TMEM150C: variants seen among roughly 807,000 people sequenced by gnomAD.
TMEM150C encodes tentonin 3.
TMEM150C carries 10 observed loss-of-function variants against 29.9 expected under a neutral mutation model. The observed-to-expected ratio is 0.33, with a 90% CI of 0.21 to 0.57. The LOEUF is 0.57. Ranked by LOEUF, TMEM150C falls within the 20% of genes least tolerant of loss-of-function variation. TMEM150C has a pLI of 0.88. For missense variants in TMEM150C, 251 were observed against 303.6 expected, an observed-to-expected ratio of 0.83 and a Z score of 1.29; for synonymous variants, 101 against 112.5, an observed-to-expected ratio of 0.90 and a Z score of 0.64.
At chr4:82,499,971 G>C (rs907326829) in intron 5 of TMEM150C, among the ~76,000 whole-genome samples, 1 of 152,126 alleles carries the variant, frequency 6.6e-6, no homozygotes, top group Non-Finnish European at 1.5e-5. Flanking sequence ...AGGGAGAGTG[G>C]CTGCTATTCG....
intron 1 of TMEM150C, among the ~76,000 whole-genome samples, chr4:82,510,008 G>A (rs1198617384): frequency 6.6e-6 from 1 of 152,010 alleles, no homozygotes; most frequent in African/African-American, 2.4e-5. Flanking sequence ...AGCTACAAAT[G>A]GAAAAGTAAA....
intron 1 of TMEM150C, among the ~76,000 whole-genome samples, chr4:82,539,888 A>C (rs1467543869): frequency 6.6e-6 from 1 of 152,184 alleles, no homozygotes; most frequent in Non-Finnish European, 1.5e-5. Context: ...AACTTGAATA[A>C]ATGTTCCTGG....
At chr4:82,537,829 A>G (rs1725060722) in intron 1 of TMEM150C, among the ~76,000 whole-genome samples, 1 of 152,198 alleles carries the variant, frequency 6.6e-6, no homozygotes, top group Non-Finnish European at 1.5e-5. Flanking sequence ...AGAAGCTGGA[A>G]GAGGTGAGGA....
At position 82,485,320 on chromosome 4, in the gene TMEM150C, G is replaced by A. The variant is rs1425781161; in HGVS notation, c.*191C>T. Reference sequence around the variant, plus strand: ...TTTTCAGTGTAACAGCGTGTATTTCGACACATAAGGGCTTGTGCTTTTTCA... The same window carrying A: ...TTTTCAGTGTAACAGCGTGTATTTCAACACATAAGGGCTTGTGCTTTTTCA... On this transcript the variant is annotated 3_prime_UTR_variant, in exon 8 of 8. Coordinates refer to ENST00000449862, the MANE Select transcript of TMEM150C (RefSeq NM_001080506.3). 1.5e-5 allele frequency: 9 copies of A among 583,614 alleles called. No individual in the cohort carries two copies. The highest frequency in any genetic ancestry group is 2.9e-5 in the East Asian group (1 of 34,836). 36.2% of individuals were successfully genotyped at this position (583,614 alleles called of 1,614,324 possible). A position where few individuals can be genotyped will look rare whatever the true frequency, so the allele number is the denominator to read the frequency against.
intron 1 of TMEM150C, among the ~76,000 whole-genome samples, chr4:82,510,379 T>G (rs1341139911): frequency 1.3e-5 from 2 of 152,166 alleles, no homozygotes; most frequent in African/African-American, 2.4e-5. Context: ...GGAAGGGACT[T>G]GCTTATTATA....
At chr4:82,527,627 C>T (rs1165943112) in intron 1 of TMEM150C, among the ~76,000 whole-genome samples, 1 of 152,200 alleles carries the variant, frequency 6.6e-6, no homozygotes, top group Non-Finnish European at 1.5e-5. Context: ...CTTCCCTGTG[C>T]TCTCCCTCCA....
At chr4:82,503,227 T>C (rs1723793525) in intron 2 of TMEM150C, 115 bp from the exon 3 acceptor site, 1 of 749,122 alleles carries the variant, frequency 1.3e-6, no homozygotes, top group Non-Finnish European at 2.2e-6. Flanking sequence ...AACTGAGAAA[T>C]GCTCTTTTAC....
intron 1 of TMEM150C, among the ~76,000 whole-genome samples, chr4:82,554,607 C>T (rs369494444): frequency 2.0e-5 from 3 of 152,276 alleles, no homozygotes; most frequent in African/African-American, 7.2e-5. Flanking sequence ...ACGAAATCTA[C>T]TTTGTTAATA....
intron 1 of TMEM150C, among the ~76,000 whole-genome samples, chr4:82,515,565 C>T (rs1332384790): frequency 1.3e-5 from 2 of 151,822 alleles, no homozygotes; most frequent in African/African-American, 4.8e-5. Flanking sequence ...GGTGAAACCC[C>T]GTCTCTACTA....
intron 6 of TMEM150C, 123 bp downstream of exon 6, chr4:82,495,945 T>C (rs1723542913): frequency 1.5e-6 from 2 of 1,306,648 alleles, no homozygotes; most frequent in Middle Eastern, 1.9e-4. Context: ...TCCTAGTTTT[T>C]AAAAAAAGGT....
Position 82,502,721 on chromosome 4 carries a change from T to C in TMEM150C, c.235+6A>G. ...GCACATAAAGCGTTCTTTACCCTCT[T>C]CTTACCTAGGAAGGCTGCCATGTTC... On this transcript the variant is annotated splice_donor_region_variant and intron_variant, in intron 5 of 7. Transcript: ENST00000449862. 6.2e-7 allele frequency: 1 copy of C among 1,607,092 alleles called. No individual in the cohort carries two copies. Among genetic ancestry groups the C allele is most frequent in the Non-Finnish European group, 8.5e-7 (1 of 1,176,432 alleles).
chr4:82,504,598 A>G lies in TMEM150C; in HGVS notation c.60T>C (p.Thr20=), dbSNP rs760024149. Residue 20 remains threonine, a synonymous_variant, in exon 2 of 8, where the codon ACT becomes ACC. Coordinates refer to ENST00000449862, the MANE Select transcript of TMEM150C (RefSeq NM_001080506.3). The part of the protein sequence containing the change: ...MFLPLVFTLF[T]SAGLWIVYFI... ...CTCACACTATCCACAATCCAGCTGA[A>G]GTAAACAAAGTAAATACAAGAGGTA... 1.2e-6 allele frequency: 2 copies of G among 1,613,462 alleles called. No individual in the cohort carries two copies. Among genetic ancestry groups the G allele is most frequent in the East Asian group, 4.5e-5 (2 of 44,888 alleles).
intron 1 of TMEM150C, among the ~76,000 whole-genome samples, chr4:82,543,347 A>G (rs190158451): frequency 1.1e-4 from 16 of 152,344 alleles, no homozygotes; most frequent in African/African-American, 3.4e-4. Flanking sequence ...CCAGACAGAC[A>G]AGTATATCCA....
intron 5 of TMEM150C, among the ~76,000 whole-genome samples, chr4:82,500,896 G>A (rs1011751075): frequency 6.6e-6 from 1 of 152,186 alleles, no homozygotes; most frequent in African/African-American, 2.4e-5. Flanking sequence ...TGAGTATCAC[G>A]CTTAAATGAG....
At chr4:82,513,390 G>T (rs146658240) in intron 1 of TMEM150C, among the ~76,000 whole-genome samples, 2 of 152,202 alleles carry the variant, frequency 1.3e-5, no homozygotes, top group South Asian at 4.2e-4. Context: ...AAGGAATAGC[G>T]GGAATGAGGA....
Position 82,500,895 on chromosome 4 carries a change from C to T in TMEM150C, c.235+1832G>A, listed in dbSNP as rs546731302. Among the ~76,000 whole-genome samples, 17 of 152,296 alleles carry T rather than the reference C, an allele frequency of 1.1e-4. No individual in the cohort carries two copies. In the South Asian group the frequency reaches 3.1e-3, roughly 28 times the overall value. The stretch of plus-strand genomic sequence containing the variant: ...TTTTATATTTCAGGCTTGAGTATCA[C>T]GCTTAAATGAGGTAGTATTTGCAAA... On this transcript the variant is annotated intron_variant, in intron 5 of 7. Transcript: ENST00000449862.
At chr4:82,489,062 A>ATTTTTTTT (rs576894576) in intron 7 of TMEM150C, among the ~76,000 whole-genome samples, 1 of 126,092 alleles carries the variant, frequency 7.9e-6, no homozygotes, top group Non-Finnish European at 1.7e-5. Context: ...GGATTTTTAG[A>ATTTTTTTT]TTTTTTTTTT....
Position 82,496,186 on chromosome 4 carries a change from AC to A in TMEM150C, c.244del (p.Val82Ter). The A allele has an allele frequency of 6.2e-7, 1 of 1,613,946 alleles. No homozygotes were observed. Among genetic ancestry groups the A allele is most frequent in the Non-Finnish European group, 8.5e-7 (1 of 1,179,826 alleles). On this transcript the variant is annotated frameshift_variant, in exon 6 of 8. Transcript: ENST00000449862. LOFTEE classifies it high-confidence loss of function. ...MNMAAFLALV[V>X]AVLRFIQLKP... ...CAGTTGTATGAAGCGCAGAACAGCT[AC>A]CACAAGGGCTAGGAATAAAGCAAAG...
chr4:82,500,598 G>A (rs1723706859), intron 5 of TMEM150C, among the ~76,000 whole-genome samples: 1 of 152,088 alleles, frequency 6.6e-6, no homozygotes, highest in African/African-American at 2.4e-5. Context: ...AGGAAGGACT[G>A]GAGAATAAGA....
Sources: gnomAD v4.1 joint callset for allele counts (sites outside exome capture counted in the v4.1 genomes callset) on GRCh38, gnomAD v4.1.1 for gene constraint, MANE v1.5 for transcripts, NCBI Gene and HGNC (gene_info 2026-07-23, HGNC 2026-07-21) for gene names.